The following CRACR2A variants were observed in gnomAD, a reference collection of about 807,000 sequenced individuals.
CRACR2A encodes the protein EF-hand calcium-binding domain-containing protein 4B.
In CRACR2A, 79 loss-of-function variants were observed where a neutral mutation model predicts 90.5. That is an observed-to-expected ratio of 0.87 (90% CI 0.73 to 1.05). The LOEUF is 1.05. CRACR2A is among the 50% of genes least tolerant of loss of function. The pLI is 0.00. For missense variants in CRACR2A, 823 were observed against 897.2 expected, an observed-to-expected ratio of 0.92 and a Z score of 1.06; for synonymous variants, 338 against 356.7, an observed-to-expected ratio of 0.95 and a Z score of 0.59.
intron 3 of CRACR2A, among the ~76,000 whole-genome samples, chr12:3,707,296 C>T (rs79897252): frequency 0.011 from 1,714 of 152,340 alleles, 38 homozygotes; most frequent in African/African-American, 0.039. Flanking sequence ...CAGGGAACAG[C>T]TGTCTCCTAC....
intron 19 of CRACR2A, 64 bp from the exon 20 acceptor site, chr12:3,615,503 T>C (rs571457642): frequency 2.2e-6 from 3 of 1,371,488 alleles, no homozygotes; most frequent in African/African-American, 1.4e-5. Flanking sequence ...GCTGGCAACC[T>C]GGACAAGCTA....
chr12:3,682,146 G>A (rs771178628), intron 4 of CRACR2A, among the ~76,000 whole-genome samples: 1 of 152,206 alleles, frequency 6.6e-6, no homozygotes, highest in Non-Finnish European at 1.5e-5. Context: ...GGGTAAAAGC[G>A]CAAGCTCCTG....
intron 7 of CRACR2A, among the ~76,000 whole-genome samples, chr12:3,665,821 A>G (rs7957353): frequency 0.15 from 22,420 of 152,238 alleles, 1,841 homozygotes; most frequent in South Asian, 0.26. Flanking sequence ...CATACATCCC[A>G]CCAACATTGA....
chr12:3,710,119 G>T (rs376260320), intron 3 of CRACR2A, among the ~76,000 whole-genome samples: 2 of 152,300 alleles, frequency 1.3e-5, no homozygotes, highest in East Asian at 3.9e-4. Context: ...GTTGTTTTCA[G>T]TGTCAATCTT....
At chr12:3,643,408 G>T (rs762417534) in intron 12 of CRACR2A, among the ~76,000 whole-genome samples, 7 of 152,276 alleles carry the variant, frequency 4.6e-5, no homozygotes, top group Non-Finnish European at 1.0e-4. Flanking sequence ...TTGTATGGAG[G>T]GGGGATGGGA....
rs1030379724 is a variant in CRACR2A, at chr12:3,638,343, C to T, written c.1383G>A (p.Gly461=). The T allele has an allele frequency of 1.6e-5, 25 of 1,551,470 alleles. No individual in the cohort carries two copies. The highest frequency in any genetic ancestry group is 2.0e-5 in the Admixed American group (1 of 50,980). Residue 461 remains glycine, a synonymous_variant, in exon 14 of 20, where the codon GGG becomes GGA. Coordinates refer to ENST00000440314, the MANE Select transcript of CRACR2A (RefSeq NM_001144958.2). ...EEPGTGEPGP[G]GPYPRPLRRI... is the part of the protein sequence containing the mutation. ...TGCGGAGCGGCCGGGGGTACGGACC[C>T]CCAGGCCCTGGCTCCCCGGTTCCTG...
intron 8 of CRACR2A, among the ~76,000 whole-genome samples, chr12:3,658,222 C>A (rs575667193): frequency 6.6e-6 from 1 of 152,166 alleles, no homozygotes; most frequent in Non-Finnish European, 1.5e-5. Context: ...GCCCATTCCC[C>A]ATGCCCTGGC....
chr12:3,743,002 T>C (rs1946551380), intron 1 of CRACR2A, among the ~76,000 whole-genome samples: 1 of 152,252 alleles, frequency 6.6e-6, no homozygotes, highest in South Asian at 2.1e-4. Flanking sequence ...AACAAGTACA[T>C]ATTAATCCAT....
intron 15 of CRACR2A, among the ~76,000 whole-genome samples, chr12:3,630,201 G>A (rs1417179499): frequency 6.6e-6 from 1 of 152,180 alleles, no homozygotes; most frequent in African/African-American, 2.4e-5. Flanking sequence ...TCACATCGAG[G>A]TGACCCTTGA....
chr12:3,691,502 G>A (rs11524964), intron 4 of CRACR2A, among the ~76,000 whole-genome samples: 3,902 of 152,194 alleles, frequency 0.026, 90 homozygotes, highest in Middle Eastern at 0.075. Context: ...GGTTTCTACC[G>A]AGAAGTCTGC....
intron 10 of CRACR2A, among the ~76,000 whole-genome samples, chr12:3,653,943 C>T (rs778001875): frequency 1.2e-4 from 18 of 152,156 alleles, no homozygotes; most frequent in South Asian, 2.1e-4. Flanking sequence ...TATTTGTTTG[C>T]GGAATAACAT....
intron 6 of CRACR2A, among the ~76,000 whole-genome samples, chr12:3,673,825 A>T (rs2137580411): frequency 6.6e-6 from 1 of 152,352 alleles, no homozygotes; most frequent in East Asian, 1.9e-4. Flanking sequence ...CCCCATTTAC[A>T]GATGACGAAG....
intron 2 of CRACR2A, among the ~76,000 whole-genome samples, chr12:3,720,663 C>T (rs1483342325): frequency 6.6e-6 from 1 of 152,168 alleles, no homozygotes; most frequent in East Asian, 1.9e-4. Context: ...CTGACCTGGT[C>T]CCAGCCTCCC....
At chr12:3,737,269 G>A (rs979609250) in intron 1 of CRACR2A, among the ~76,000 whole-genome samples, 1 of 152,184 alleles carries the variant, frequency 6.6e-6, no homozygotes, top group African/African-American at 2.4e-5. Context: ...ATACCCTCAG[G>A]TAGAACACGC....
chr12:3,638,872 T>C (rs1335727533), intron 13 of CRACR2A, among the ~76,000 whole-genome samples: 1 of 152,104 alleles, frequency 6.6e-6, no homozygotes, highest in African/African-American at 2.4e-5. Context: ...AGACTCAGAT[T>C]TTAATAAAGC....
At chr12:3,623,997 G>T (rs1483018517) in intron 17 of CRACR2A, among the ~76,000 whole-genome samples, 1 of 152,192 alleles carries the variant, frequency 6.6e-6, no homozygotes, top group South Asian at 2.1e-4. Context: ...CCAGGAGGGA[G>T]CATTTGGTCT....
intron 8 of CRACR2A, among the ~76,000 whole-genome samples, chr12:3,658,423 T>C (rs900992570): frequency 6.6e-6 from 1 of 152,040 alleles, no homozygotes; most frequent in African/African-American, 2.4e-5. Context: ...CAGGAACTAT[T>C]TTGGGATCTG....
At chr12:3,659,459 G>A in intron 8 of CRACR2A, 105 bp downstream of exon 8, 2 of 848,202 alleles carry the variant, frequency 2.4e-6, no homozygotes, top group Non-Finnish European at 3.8e-6. Flanking sequence ...GAGAAAGAGG[G>A]AATCAATAGT....
chr12:3,671,544 T>C (rs371421630), intron 7 of CRACR2A, among the ~76,000 whole-genome samples: 5 of 152,228 alleles, frequency 3.3e-5, no homozygotes, highest in East Asian at 1.9e-4. Context: ...AAAATGCAGA[T>C]TCGGTGGGGC....
Sources: gnomAD v4.1 joint callset for allele counts (sites outside exome capture counted in the v4.1 genomes callset) on GRCh38, gnomAD v4.1.1 for gene constraint, MANE v1.5 for transcripts, NCBI Gene and HGNC (gene_info 2026-07-23, HGNC 2026-07-21) for gene names.